The following FSHR variants were observed in gnomAD, a reference collection of about 807,000 sequenced individuals.
The protein encoded by FSHR is follicle-stimulating hormone receptor.
Under a neutral mutation model 52.1 loss-of-function variants are expected in FSHR, and 46 were observed. The observed-to-expected ratio is 0.88, with a 90% CI of 0.70 to 1.13. FSHR has a LOEUF of 1.13. Among genes scored for constraint, FSHR ranks in the 50% most tolerant of loss-of-function variants. FSHR has a pLI of 0.00. For missense variants in FSHR, 964 were observed against 834.6 expected (o/e 1.16, Z -1.91); for synonymous variants, 399 against 309.6 (o/e 1.29, Z -3.03).
intron 2 of FSHR, among the ~76,000 whole-genome samples, chr2:49,055,204 G>A (rs1669011630): frequency 6.6e-6 from 1 of 151,694 alleles, no homozygotes; most frequent in African/African-American, 2.4e-5. Context: ...GAGCCAAACA[G>A]AAATCTTACA....
At position 49,152,339 on chromosome 2, in the gene FSHR, C is replaced by T. The variant is rs368110214; in HGVS notation, c.152+1927G>A. ...TATCTCAACATCTCATGCTCTCTTT[C>T]CTTAGTTGCAAAATGCTCTTGGCCA... On this transcript the variant is annotated intron_variant, in intron 1 of 9. Transcript: ENST00000406846. Among the ~76,000 whole-genome samples the T allele has an allele frequency of 3.3e-5, 5 of 152,208 alleles. No individual in the cohort carries two copies. In the East Asian group the frequency reaches 5.8e-4, roughly 18 times the overall value.
intron 8 of FSHR, among the ~76,000 whole-genome samples, chr2:48,973,042 C>T (rs1292407047): frequency 1.3e-5 from 2 of 152,108 alleles, no homozygotes; most frequent in East Asian, 3.9e-4. Context: ...ACTGTGATGT[C>T]TTCGGATAAA....
At chr2:49,045,996 G>C (rs771798875) in intron 2 of FSHR, among the ~76,000 whole-genome samples, 1 of 152,148 alleles carries the variant, frequency 6.6e-6, no homozygotes. Flanking sequence ...TATGGAGAAA[G>C]TGCACAGGAT....
At position 48,963,887 on chromosome 2, in the gene FSHR, A is replaced by T. The variant is rs1185192321; in HGVS notation, c.934T>A (p.Ser312Thr). ...GACTCATTGTCTTCTGCCAGAGAGG[A>T]TCTCTGACCCCTAGCCTGAGTCATA... ...DYMTQARGQR[S>T]SLAEDNESSY... Residue 312 changes from serine to threonine, a missense_variant, in exon 10 of 10, where the codon TCC becomes ACC. Physicochemically the swap from Ser to Thr is moderately conservative, Grantham distance 58 (BLOSUM62 1). Coordinates refer to ENST00000406846, the MANE Select transcript of FSHR (RefSeq NM_000145.4). The T allele has an allele frequency of 1.2e-6, 2 of 1,613,286 alleles. No individual in the cohort carries two copies. Among genetic ancestry groups the T allele is most frequent in the African/African-American group, 1.3e-5 (1 of 75,000 alleles).
chr2:49,029,756 G>C (rs1668036342), intron 2 of FSHR, among the ~76,000 whole-genome samples: 1 of 152,164 alleles, frequency 6.6e-6, no homozygotes, highest in African/African-American at 2.4e-5. Context: ...TCCTGACTCT[G>C]CCACTAATTA....
At chr2:49,063,140 T>A (rs985978441) in intron 2 of FSHR, among the ~76,000 whole-genome samples, 1 of 152,116 alleles carries the variant, frequency 6.6e-6, no homozygotes, top group South Asian at 2.1e-4. Flanking sequence ...TACCAAGAGC[T>A]TTCAAAGGGA....
intron 1 of FSHR, among the ~76,000 whole-genome samples, chr2:49,111,461 C>T (rs572743743): frequency 4.5e-4 from 69 of 152,248 alleles, no homozygotes; most frequent in African/African-American, 1.3e-3. Context: ...ATTTCTCCAG[C>T]GGGCCGAGGA....
chr2:48,976,691 T>G (rs1221385718), intron 8 of FSHR, among the ~76,000 whole-genome samples: 1 of 152,236 alleles, frequency 6.6e-6, no homozygotes, highest in East Asian at 1.9e-4. Flanking sequence ...GGATTCATCT[T>G]CTTCCTGGAT....
intron 2 of FSHR, among the ~76,000 whole-genome samples, chr2:49,062,685 A>G (rs180752263): frequency 6.6e-6 from 1 of 152,268 alleles, no homozygotes; most frequent in African/African-American, 2.4e-5. Flanking sequence ...TATCCAGAAT[A>G]TACAAGGAAT....
In FSHR at chr2:49,072,605, G is replaced by A. The variant is rs113595689; in HGVS notation, c.153-4315C>T. Among the ~76,000 whole-genome samples, 1,019 of 152,186 alleles carry A rather than the reference G, an allele frequency of 6.7e-3. 14 individuals carry two copies. The highest frequency in any genetic ancestry group is 0.034 in the Middle Eastern group (10 of 294). On this transcript the variant is annotated intron_variant, in intron 1 of 9. Transcript: ENST00000406846. ...AGAAACATTGGTAAAATGAAAGACTGTTGATAGAAATGTTTGAGAAGGTAA... is the reference window on the plus strand; with the variant it reads ...AGAAACATTGGTAAAATGAAAGACTATTGATAGAAATGTTTGAGAAGGTAA...
intron 1 of FSHR, among the ~76,000 whole-genome samples, chr2:49,107,486 A>C (rs919457797): frequency 2.0e-5 from 3 of 152,138 alleles, no homozygotes; most frequent in Non-Finnish European, 4.4e-5. Context: ...TATTTCACTC[A>C]TCTTGTGTCT....
intron 1 of FSHR, among the ~76,000 whole-genome samples, chr2:49,123,943 A>G (rs992816104): frequency 6.6e-6 from 1 of 151,816 alleles, no homozygotes; most frequent in Non-Finnish European, 1.5e-5. Flanking sequence ...TTTTAAAGCT[A>G]TTACTGAGGT....
At chr2:48,998,729 T>C (rs1326717027) in intron 4 of FSHR, among the ~76,000 whole-genome samples, 1 of 151,976 alleles carries the variant, frequency 6.6e-6, no homozygotes, top group Non-Finnish European at 1.5e-5. Context: ...TTGACAGCCA[T>C]TAAAATCTAA....
At chr2:48,971,675 C>A (rs1462873519) in intron 8 of FSHR, among the ~76,000 whole-genome samples, 2 of 152,164 alleles carry the variant, frequency 1.3e-5, no homozygotes, top group African/African-American at 4.8e-5. Context: ...TTTGTTCTAT[C>A]ACTACTGAGA....
intron 1 of FSHR, among the ~76,000 whole-genome samples, chr2:49,152,873 C>G (rs17038379): frequency 0.32 from 48,377 of 152,156 alleles, 7,899 homozygotes; most frequent in East Asian, 0.48. Flanking sequence ...TCACTTAGGA[C>G]CAAATGACTT....
chr2:48,964,394 T>C (rs1455009831), intron 9 of FSHR, among the ~76,000 whole-genome samples: 1 of 152,238 alleles, frequency 6.6e-6, no homozygotes, highest in Non-Finnish European at 1.5e-5. Flanking sequence ...GACTGTTCGC[T>C]GACTCAAATG....
chr2:49,073,370 A>G (rs1447426379), intron 1 of FSHR, among the ~76,000 whole-genome samples: 3 of 152,228 alleles, frequency 2.0e-5, no homozygotes, highest in Admixed American at 2.0e-4. Flanking sequence ...GTTGTGGGAT[A>G]AATTAATATA....
intron 6 of FSHR, among the ~76,000 whole-genome samples, chr2:48,985,815 G>T (rs1410957147): frequency 7.7e-6 from 1 of 129,676 alleles, no homozygotes; most frequent in Non-Finnish European, 1.6e-5. Flanking sequence ...CCGGGTTCAC[G>T]CCATTCTCCT....
At chr2:48,985,442 T>G (rs1207369075) in intron 6 of FSHR, among the ~76,000 whole-genome samples, 1 of 152,058 alleles carries the variant, frequency 6.6e-6, no homozygotes, top group Non-Finnish European at 1.5e-5. Context: ...TTATTTCTTC[T>G]GAATTAGGAC....
Sources: gnomAD v4.1 joint callset for allele counts (sites outside exome capture counted in the v4.1 genomes callset) on GRCh38, gnomAD v4.1.1 for gene constraint, MANE v1.5 for transcripts, NCBI Gene and HGNC (gene_info 2026-07-23, HGNC 2026-07-21) for gene names.